The following GMDS variants were observed in gnomAD, a reference collection of about 807,000 sequenced individuals.
The protein encoded by GMDS is GDP-mannose 4,6-dehydratase.
A neutral mutation model predicts 49.9 loss-of-function variants in GMDS; 20 were observed. The observed-to-expected ratio is 0.40, with a 90% confidence interval of 0.28 to 0.58. The LOEUF (loss-of-function observed/expected upper bound fraction) is 0.58, where lower values mean the gene tolerates loss of function less well. GMDS is among the 20% of genes least tolerant of loss of function. The probability of loss-of-function intolerance (pLI) is 0.42; values close to 1 mark genes in which losing one functional copy is unlikely to be tolerated. For missense variants in GMDS, 362 were observed against 481.4 expected (o/e 0.75, Z 2.32); for synonymous variants, 177 against 178.6 (o/e 0.99, Z 0.07).
intron 7 of GMDS, among the ~76,000 whole-genome samples, chr6:1,821,439 G>A (rs191622576): frequency 7.6e-4 from 116 of 152,098 alleles, no homozygotes; most frequent in Admixed American, 2.7e-3. Flanking sequence ...TGGGATGGGC[G>A]AGGATAAGGA....
At chr6:1,913,092 TG>T (rs200722688) in intron 7 of GMDS, among the ~76,000 whole-genome samples, 2,662 of 152,306 alleles carry the variant, frequency 0.017, 78 homozygotes, top group African/African-American at 0.061. Context: ...TAAGAAAGTT[TG>T]CATGTGGGCC....
intron 7 of GMDS, among the ~76,000 whole-genome samples, chr6:1,905,955 C>T (rs1760754642): frequency 1.3e-5 from 2 of 152,028 alleles, no homozygotes; most frequent in Non-Finnish European, 2.9e-5. Context: ...GCTGTTGAGT[C>T]CAAGCCATCT....
At chr6:2,243,604 T>C (rs1487828597) in intron 1 of GMDS, among the ~76,000 whole-genome samples, 1 of 152,148 alleles carries the variant, frequency 6.6e-6, no homozygotes, top group Non-Finnish European at 1.5e-5. Flanking sequence ...GGACAGTATG[T>C]AGGCCCTGAC....
At chr6:1,658,398 G>A (rs1335060137) in intron 9 of GMDS, among the ~76,000 whole-genome samples, 2 of 152,208 alleles carry the variant, frequency 1.3e-5, no homozygotes, top group East Asian at 1.9e-4. Flanking sequence ...TCATCCCACC[G>A]ACTGCTGGCA....
In GMDS at chr6:1,817,930, G is replaced by C. The variant is rs116231257; in HGVS notation, c.772-75344C>G. Among the ~76,000 whole-genome samples the C allele has an allele frequency of 4.6e-3, 703 of 151,974 alleles. 4 individuals carry two copies. Among genetic ancestry groups the C allele is most frequent in the African/African-American group, 0.016 (658 of 41,432 alleles). ...TCTTTTTTTAATGGAGAACTGCAAA[G>C]GAAAGAAAAATTGTAATGGTGCAAA... On this transcript the variant is annotated intron_variant, in intron 7 of 10. Coordinates refer to ENST00000380815, the MANE Select transcript of GMDS (RefSeq NM_001500.4).
At chr6:1,966,406 C>T (rs1764262140) in intron 4 of GMDS, among the ~76,000 whole-genome samples, 1 of 151,480 alleles carries the variant, frequency 6.6e-6, no homozygotes, top group South Asian at 2.1e-4. Flanking sequence ...CAAAATACTG[C>T]CCAAACTCGC....
intron 1 of GMDS, among the ~76,000 whole-genome samples, chr6:2,154,153 G>A (rs1465147925): frequency 6.6e-6 from 1 of 152,030 alleles, no homozygotes; most frequent in Non-Finnish European, 1.5e-5. Context: ...CATGTTTATT[G>A]AAAATTTAAA....
chr6:1,922,186 C>T (rs1351143329), intron 7 of GMDS, among the ~76,000 whole-genome samples: 1 of 152,186 alleles, frequency 6.6e-6, no homozygotes, highest in Non-Finnish European at 1.5e-5. Context: ...AATGCCTTCC[C>T]CTCTGCTAGG....
In GMDS at chr6:1,766,398, C is replaced by A. The variant is rs148656497; in HGVS notation, c.772-23812G>T. Among the ~76,000 whole-genome samples, 47 of 152,224 alleles carry A rather than the reference C, an allele frequency of 3.1e-4. No homozygotes were observed. Among genetic ancestry groups the A allele is most frequent in the African/African-American group, 1.0e-3 (43 of 41,532 alleles). On this transcript the variant is annotated intron_variant, in intron 7 of 10. Coordinates refer to ENST00000380815, the MANE Select transcript of GMDS (RefSeq NM_001500.4). This position sits in a 1 kb window ranked among gnomAD's most constrained non-coding sequence, Gnocchi z 4.5. ...GTTAGAACCCACACCTTCCGTCTCCCGGGCCAGGTCTCTTTGTAGGCCACC... is the reference window on the plus strand; with the variant it reads ...GTTAGAACCCACACCTTCCGTCTCCAGGGCCAGGTCTCTTTGTAGGCCACC...
At chr6:1,759,048 G>C (rs766811598) in intron 7 of GMDS, among the ~76,000 whole-genome samples, 5 of 152,150 alleles carry the variant, frequency 3.3e-5, no homozygotes, top group Non-Finnish European at 7.4e-5. Context: ...TCAGCCTCTA[G>C]AGTAGCTGGG....
chr6:1,781,530 G>A (rs910194500), intron 7 of GMDS, among the ~76,000 whole-genome samples: 15 of 152,182 alleles, frequency 9.9e-5, no homozygotes, highest in African/African-American at 2.7e-4. Context: ...GAGTGCCTGC[G>A]TGTGAAGCCT....
At chr6:2,211,703 G>A (rs949168641) in intron 1 of GMDS, among the ~76,000 whole-genome samples, 9 of 152,102 alleles carry the variant, frequency 5.9e-5, no homozygotes, top group African/African-American at 1.9e-4. Flanking sequence ...GAAAAAATAC[G>A]TATTTCATGT....
chr6:2,180,296 A>G (rs1038405538), intron 1 of GMDS, among the ~76,000 whole-genome samples: 1 of 152,214 alleles, frequency 6.6e-6, no homozygotes, highest in Non-Finnish European at 1.5e-5. Flanking sequence ...AAGCACCTAG[A>G]TCTTTTTGAA....
intron 9 of GMDS, chr6:1,625,150 G>A (rs1421440691): frequency 6.6e-6 from 1 of 152,124 alleles, no homozygotes; most frequent in Non-Finnish European, 1.5e-5. Flanking sequence ...GTTTCTTCCC[G>A]GGCCGCAGCC....
chr6:1,733,806 C>G (rs893527284), intron 8 of GMDS, among the ~76,000 whole-genome samples: 1 of 151,290 alleles, frequency 6.6e-6, no homozygotes, highest in Admixed American at 6.6e-5. Context: ...GAGCCGAGAT[C>G]GTGCTACTGC....
At chr6:2,055,120 C>A (rs1770704661) in intron 4 of GMDS, among the ~76,000 whole-genome samples, 1 of 151,948 alleles carries the variant, frequency 6.6e-6, no homozygotes, top group African/African-American at 2.4e-5. Flanking sequence ...TCAGTAAAGA[C>A]TTTCCTGTAA....
intron 7 of GMDS, among the ~76,000 whole-genome samples, chr6:1,849,093 T>C (rs1265140629): frequency 6.6e-6 from 1 of 152,176 alleles, no homozygotes; most frequent in Non-Finnish European, 1.5e-5. Context: ...ATTGCCACCA[T>C]TTGAGCACTG....
At chr6:2,108,580 A>C (rs1016553407) in intron 4 of GMDS, among the ~76,000 whole-genome samples, 1 of 152,180 alleles carries the variant, frequency 6.6e-6, no homozygotes, top group Admixed American at 6.5e-5. Context: ...GGTATTAATT[A>C]AAACCAGTTC....
In GMDS at chr6:1,993,659, A is replaced by G. The variant is rs564615490; in HGVS notation, c.346-32693T>C. ...ATTCTCCAATTCCTCACAAAGCTCT[A>G]TTTTATAAATGTTTGCAGAGCTTTA... On this transcript the variant is annotated intron_variant, in intron 4 of 10. Coordinates refer to ENST00000380815, the MANE Select transcript of GMDS (RefSeq NM_001500.4). 4.2e-4 allele frequency among the ~76,000 whole-genome samples: 64 copies of G among 151,546 alleles called. 1 individual carries two copies. The highest frequency in any genetic ancestry group is 1.5e-3 in the African/African-American group (62 of 41,260).
Sources: gnomAD v4.1 joint callset for allele counts (sites outside exome capture counted in the v4.1 genomes callset) on GRCh38, gnomAD v4.1.1 for gene constraint, Gnocchi (gnomAD v3.1) non-coding constraint, MANE v1.5 for transcripts, NCBI Gene and HGNC (gene_info 2026-07-23, HGNC 2026-07-21) for gene names.